DCLK2: variants seen among roughly 807,000 people sequenced by gnomAD.
DCLK2 encodes serine/threonine-protein kinase DCLK2.
DCLK2 carries 31 observed loss-of-function variants against 78.4 expected under a neutral mutation model. The ratio of observed to expected loss-of-function variants is 0.40; its 90% CI spans 0.30 to 0.53. The LOEUF (loss-of-function observed/expected upper bound fraction) is 0.53, where lower values mean the gene tolerates loss of function less well. Among genes scored for constraint, DCLK2 ranks in the 20% least tolerant of loss-of-function variants. The pLI is 0.61. For synonymous variants in DCLK2, 407 were observed against 374.9 expected, an observed-to-expected ratio of 1.09 and a Z score of -0.99; for missense variants, 872 against 973.7, an observed-to-expected ratio of 0.90 and a Z score of 1.39.
intron 2 of DCLK2, among the ~76,000 whole-genome samples, chr4:150,139,821 A>G (rs1321555031): frequency 1.3e-5 from 2 of 152,246 alleles, no homozygotes; most frequent in Admixed American, 1.3e-4. Context: ...TGTACATTCC[A>G]GTATATTTGG....
intron 2 of DCLK2, among the ~76,000 whole-genome samples, chr4:150,114,093 G>T (rs929060724): frequency 1.3e-5 from 2 of 152,022 alleles, no homozygotes; most frequent in Non-Finnish European, 2.9e-5. Flanking sequence ...TTATTCCATT[G>T]TGGTCTGAGA....
At chr4:150,117,904 A>T (rs1025436054) in intron 2 of DCLK2, among the ~76,000 whole-genome samples, 1 of 152,220 alleles carries the variant, frequency 6.6e-6, no homozygotes, top group African/African-American at 2.4e-5. Flanking sequence ...TGGTAGAGGC[A>T]TGCAAACAAT....
At chr4:150,233,998 A>C (rs1742280060) in intron 10 of DCLK2, among the ~76,000 whole-genome samples, 1 of 152,148 alleles carries the variant, frequency 6.6e-6, no homozygotes, top group African/African-American at 2.4e-5. Context: ...CAGGGCTCTC[A>C]TCCTCATTCC....
chr4:150,229,727 C>A (rs76263265), intron 8 of DCLK2, among the ~76,000 whole-genome samples: 3,645 of 152,216 alleles, frequency 0.024, 145 homozygotes, highest in African/African-American at 0.083. Context: ...TTGTCATTTA[C>A]TCTCACTCAG....
chr4:150,249,390 C>G (rs921641812), intron 14 of DCLK2, among the ~76,000 whole-genome samples, 178 bp from the exon 15 acceptor site: 4 of 151,930 alleles, frequency 2.6e-5, no homozygotes, highest in African/African-American at 9.7e-5. Context: ...CATGGGCCTA[C>G]TGAATAACAA....
intron 1 of DCLK2, among the ~76,000 whole-genome samples, chr4:150,101,228 C>T (rs1730868105): frequency 1.3e-5 from 2 of 152,066 alleles, no homozygotes; most frequent in Admixed American, 6.5e-5. Context: ...GCAGTTCAGC[C>T]TGGGCAACAG....
Position 150,158,406 on chromosome 4 carries a change from G to T in DCLK2, c.757-34732G>T, listed in dbSNP as rs575415235. On this transcript the variant is annotated intron_variant, in intron 2 of 15. Transcript: ENST00000296550. ...ATGAATTTTAGGGGGATATAATTCA[G>T]TCTATAACACCTCCCAATAAGTTAT... Among the ~76,000 whole-genome samples the T allele has an allele frequency of 5.3e-4, 80 of 152,306 alleles. 1 individual carries two copies. The highest frequency in any genetic ancestry group is 1.8e-3 in the African/African-American group (75 of 41,576).
rs181179391 is a variant in DCLK2, at chr4:150,192,290, C to T, written c.757-848C>T. 1.1e-3 allele frequency among the ~76,000 whole-genome samples: 168 copies of T among 152,122 alleles called. 1 individual carries two copies. The highest frequency in any genetic ancestry group is 4.5e-3 in the East Asian group (23 of 5,152). The stretch of plus-strand genomic sequence containing the variant: ...GGTCAGGAGATCAAGACCATCCTGG[C>T]CAACATGGTGAAACCCTGTCTTTAC... On this transcript the variant is annotated intron_variant, in intron 2 of 15. Transcript: ENST00000296550.
intron 15 of DCLK2, chr4:150,254,415 C>CCT (rs1744416394): frequency 2.5e-6 from 1 of 399,032 alleles, no homozygotes; most frequent in East Asian, 3.6e-5. Flanking sequence ...GCATTGCTTC[C>CCT]CTCTGGCTAG....
At chr4:150,220,164 A>T (rs1741075388) in intron 5 of DCLK2, among the ~76,000 whole-genome samples, 1 of 152,198 alleles carries the variant, frequency 6.6e-6, no homozygotes, top group Non-Finnish European at 1.5e-5. Context: ...TTGTTTTTAA[A>T]CACTGTAGCT....
intron 5 of DCLK2, among the ~76,000 whole-genome samples, chr4:150,208,698 A>G (rs532163101): frequency 2.6e-5 from 4 of 152,136 alleles, no homozygotes; most frequent in Non-Finnish European, 5.9e-5. Context: ...ACCTGGTGAC[A>G]ACTTTTCCTG....
intron 1 of DCLK2, among the ~76,000 whole-genome samples, chr4:150,093,158 G>A (rs549446940): frequency 6.6e-6 from 1 of 152,190 alleles, no homozygotes; most frequent in East Asian, 1.9e-4. Context: ...AGGAAATTAA[G>A]AAAATTTCAT....
At chr4:150,137,417 A>G (rs1186362040) in intron 2 of DCLK2, among the ~76,000 whole-genome samples, 1 of 152,216 alleles carries the variant, frequency 6.6e-6, no homozygotes, top group Non-Finnish European at 1.5e-5. Flanking sequence ...GTTGGTTAAA[A>G]TGAGACAAAT....
intron 10 of DCLK2, among the ~76,000 whole-genome samples, chr4:150,236,275 T>G (rs1742500082): frequency 6.6e-6 from 1 of 152,194 alleles, no homozygotes; most frequent in Non-Finnish European, 1.5e-5. Context: ...TGTAAGTAAG[T>G]GCAGGCTGTA....
intron 2 of DCLK2, among the ~76,000 whole-genome samples, chr4:150,183,609 G>A (rs1169683198): frequency 6.6e-6 from 1 of 152,094 alleles, no homozygotes; most frequent in Non-Finnish European, 1.5e-5. Context: ...ATAAATTTGG[G>A]AACCAGGACT....
chr4:150,135,588 TGCAG>T (rs1241061829), intron 2 of DCLK2, among the ~76,000 whole-genome samples: 4 of 152,182 alleles, frequency 2.6e-5, no homozygotes, highest in African/African-American at 9.7e-5. Flanking sequence ...TGCAGGATGC[TGCAG>T]TGAAATGATG....
intron 2 of DCLK2, among the ~76,000 whole-genome samples, chr4:150,178,020 C>T (rs937299023): frequency 2.6e-5 from 4 of 152,212 alleles, no homozygotes; most frequent in African/African-American, 9.6e-5. Context: ...TTTGTTAATT[C>T]TGGGGGCTGG....
chr4:150,229,948 A>G (rs1436390180), intron 8 of DCLK2, among the ~76,000 whole-genome samples: 1 of 152,216 alleles, frequency 6.6e-6, no homozygotes, highest in Admixed American at 6.5e-5. Flanking sequence ...AAGACTACAT[A>G]CAGGTTGCAC....
chr4:150,207,875 T>C (rs987544642), intron 5 of DCLK2, among the ~76,000 whole-genome samples: 1 of 152,116 alleles, frequency 6.6e-6, no homozygotes, highest in African/African-American at 2.4e-5. Context: ...TCCCTGGCAA[T>C]TGGTATAGAG....
Sources: allele counts gnomAD v4.1 joint callset (sites outside exome capture counted in the v4.1 genomes callset), GRCh38; gene constraint gnomAD v4.1.1; transcripts MANE v1.5; gene names NCBI Gene and HGNC (gene_info 2026-07-23, HGNC 2026-07-21).